LRRTM3: variants seen among roughly 807,000 people sequenced by gnomAD.
LRRTM3 encodes the protein leucine rich repeat transmembrane neuronal 3, also known as leucine-rich repeat transmembrane neuronal protein 3.
In LRRTM3, 24 loss-of-function variants were observed where a neutral mutation model predicts 44.7. That is an observed-to-expected ratio of 0.54 (90% CI 0.39 to 0.76). LRRTM3 has a LOEUF of 0.76. Ranked by LOEUF, LRRTM3 falls within the 30% of genes least tolerant of loss-of-function variation. The pLI, the probability that LRRTM3 is intolerant of heterozygous loss-of-function variation, is 0.00. For missense variants in LRRTM3, 587 were observed against 702.2 expected (o/e 0.84, Z 1.85); for synonymous variants, 277 against 278.7 (o/e 0.99, Z 0.06).
At position 66,928,152 on chromosome 10, in the gene LRRTM3, C is replaced by G; in HGVS notation, c.1236C>G (p.Ala412=). 1 of 1,614,092 alleles carries G rather than the reference C, an allele frequency of 6.2e-7. No homozygotes were observed. Among genetic ancestry groups the G allele is most frequent in the Non-Finnish European group, 8.5e-7 (1 of 1,180,044 alleles). ...CCGGCCCAGAGACCGATGCTGACGC[C>G]GAGCACATCTCTTTCCATAAAATCA... The part of the protein sequence containing the change: ...TEPGPETDAD[A]EHISFHKIIA... The change falls in exon 2 of 3, where the codon GCC becomes GCG. Residue 412 remains alanine (A), a synonymous_variant. Transcript: ENST00000361320.
chr10:66,995,386 C>T (rs1430660115), intron 2 of LRRTM3, among the ~76,000 whole-genome samples: 2 of 152,144 alleles, frequency 1.3e-5, no homozygotes, highest in Non-Finnish European at 2.9e-5. Context: ...GGTTCAAGTC[C>T]TCATCATCTC....
intron 2 of LRRTM3, among the ~76,000 whole-genome samples, chr10:67,025,687 C>T (rs1853326891): frequency 6.6e-6 from 1 of 152,090 alleles, no homozygotes; most frequent in Non-Finnish European, 1.5e-5. Flanking sequence ...TATCATTACA[C>T]AACAACAACA....
chr10:66,939,295 A>G (rs1177441035), intron 2 of LRRTM3, among the ~76,000 whole-genome samples: 1 of 151,988 alleles, frequency 6.6e-6, no homozygotes, highest in African/African-American at 2.4e-5. Context: ...CCTTTGCACT[A>G]CATTTCTTTT....
At position 67,011,757 on chromosome 10, in the gene LRRTM3, C is replaced by A. The variant is rs1445060365; in HGVS notation, c.1536+83305C>A. On this transcript the variant is annotated intron_variant, in intron 2 of 2. Transcript: ENST00000361320. The stretch of plus-strand genomic sequence containing the variant: ...AACTAATTTAATCCTCATAATAACC[C>A]TAGGAGGTAGGTATTATCATCAACC... Among the ~76,000 whole-genome samples the A allele has an allele frequency of 2.0e-5, 3 of 151,850 alleles. No individual in the cohort carries two copies. The East Asian group carries it at 5.8e-4, about 29-fold the overall frequency.
At chr10:67,056,527 A>G (rs1351981723) in intron 2 of LRRTM3, among the ~76,000 whole-genome samples, 1 of 152,188 alleles carries the variant, frequency 6.6e-6, no homozygotes, top group Non-Finnish European at 1.5e-5. Context: ...ATCTGTAAAC[A>G]CTGTACTTCT....
chr10:66,999,214 T>G (rs1009428398), intron 2 of LRRTM3, among the ~76,000 whole-genome samples: 1 of 152,128 alleles, frequency 6.6e-6, no homozygotes. Context: ...TTTCAAGAAT[T>G]TAAACATGAT....
At chr10:66,945,590 C>A (rs751367654) in intron 2 of LRRTM3, among the ~76,000 whole-genome samples, 2 of 152,196 alleles carry the variant, frequency 1.3e-5, no homozygotes, top group Non-Finnish European at 2.9e-5. Flanking sequence ...ACTGGAGTAG[C>A]ACTTTTCATT....
intron 2 of LRRTM3, among the ~76,000 whole-genome samples, chr10:67,082,671 T>A (rs922062035): frequency 3.9e-5 from 6 of 152,140 alleles, no homozygotes; most frequent in African/African-American, 1.4e-4. Context: ...ATATGTTATT[T>A]CCAAGAAGGG....
intron 2 of LRRTM3, among the ~76,000 whole-genome samples, chr10:67,088,182 C>A (rs1390063902): frequency 6.6e-6 from 1 of 151,280 alleles, no homozygotes; most frequent in African/African-American, 2.4e-5. Flanking sequence ...CCTCTGTCTT[C>A]TGCTTGCTAG....
intron 2 of LRRTM3, among the ~76,000 whole-genome samples, chr10:67,063,333 T>C (rs139528635): frequency 1.4e-3 from 217 of 152,324 alleles, no homozygotes; most frequent in African/African-American, 5.0e-3. Context: ...TAGCCTGAGA[T>C]AGGACAAAAC....
In LRRTM3 at chr10:66,928,193, C is replaced by T; in HGVS notation, c.1277C>T (p.Ala426Val). The T allele has an allele frequency of 6.2e-7, 1 of 1,614,096 alleles. No homozygotes were observed. Among genetic ancestry groups the T allele is most frequent in the Non-Finnish European group, 8.5e-7 (1 of 1,180,042 alleles). ...SFHKIIAGSV[A>V]LFLSVLVILL... is the part of the protein sequence containing the mutation. ...CATAAAATCATCGCGGGCAGCGTGG[C>T]GCTTTTCCTGTCCGTGCTCGTCATC... is the stretch of plus-strand genomic sequence containing the variant. Residue 426 changes from alanine (A) to valine (V), a missense_variant, in exon 2 of 3, where the codon GCG (alanine) becomes GTG (valine). Coordinates refer to ENST00000361320, the MANE Select transcript of LRRTM3 (RefSeq NM_178011.5).
chr10:67,071,932 G>A (rs1191473891), intron 2 of LRRTM3, among the ~76,000 whole-genome samples: 2 of 152,076 alleles, frequency 1.3e-5, no homozygotes, highest in Admixed American at 6.6e-5. Context: ...TTCAGTTCAA[G>A]AATATGTGTT....
intron 2 of LRRTM3, among the ~76,000 whole-genome samples, chr10:66,961,113 T>C (rs900063083): frequency 2.0e-5 from 3 of 152,208 alleles, no homozygotes. Context: ...CAAGGTCTTC[T>C]AGCAAGTCTA....
chr10:67,077,608 C>A (rs1228813258), intron 2 of LRRTM3, among the ~76,000 whole-genome samples: 1 of 152,162 alleles, frequency 6.6e-6, no homozygotes, highest in Non-Finnish European at 1.5e-5. Context: ...TTAGGAAAAT[C>A]TTCTATGATG....
Position 66,926,304 on chromosome 10 carries a change from A to G in LRRTM3, c.-280A>G. ...CCCTCCCCACCCCCCAAAAAACTGT[A>G]AAGATGCAAAAACGTAATATCCATG... On this transcript the variant is annotated 5_prime_UTR_variant, in exon 1 of 3. Transcript: ENST00000361320. 2.4e-6 allele frequency: 1 copy of G among 418,642 alleles called. No individual in the cohort carries two copies. Among genetic ancestry groups the G allele is most frequent in the Non-Finnish European group, 4.5e-6 (1 of 222,290 alleles). The allele number at this position is 418,642 out of a possible 1,614,324, so 25.9% of individuals were successfully genotyped here.
intron 2 of LRRTM3, among the ~76,000 whole-genome samples, chr10:67,020,065 A>G (rs1852905036): frequency 7.5e-6 from 1 of 132,718 alleles, no homozygotes; most frequent in African/African-American, 2.5e-5. Flanking sequence ...AGATTCTACC[A>G]AGGTCACCTT....
chr10:67,051,289 AC>A (rs1855072974), intron 2 of LRRTM3, among the ~76,000 whole-genome samples: 1 of 152,104 alleles, frequency 6.6e-6, no homozygotes, highest in Non-Finnish European at 1.5e-5. Context: ...ATTCTCTTAC[AC>A]CTAACCTTAA....
intron 2 of LRRTM3, among the ~76,000 whole-genome samples, chr10:67,036,436 C>T (rs1189431428): frequency 6.6e-6 from 1 of 152,030 alleles, no homozygotes; most frequent in South Asian, 2.1e-4. Flanking sequence ...AAGGCTGAGG[C>T]GGGCAAATCA....
At chr10:66,933,209 CATT>C (rs1180112208) in intron 2 of LRRTM3, among the ~76,000 whole-genome samples, 2 of 152,244 alleles carry the variant, frequency 1.3e-5, no homozygotes, top group Admixed American at 6.5e-5. Flanking sequence ...CATTTTACAT[CATT>C]AGAAGTCTAG....
Sources: gnomAD v4.1 joint callset for allele counts (sites outside exome capture counted in the v4.1 genomes callset) on GRCh38, gnomAD v4.1.1 for gene constraint, MANE v1.5 for transcripts, NCBI Gene and HGNC (gene_info 2026-07-23, HGNC 2026-07-21) for gene names.